RASA1: variants seen among roughly 807,000 people sequenced by gnomAD.
RASA1 encodes ras GTPase-activating protein 1.
Under a neutral mutation model 132.2 loss-of-function variants are expected in RASA1, and 25 were observed. The ratio of observed to expected loss-of-function variants is 0.19; its 90% CI spans 0.14 to 0.26. The LOEUF (loss-of-function observed/expected upper bound fraction) is 0.26, where lower values mean the gene tolerates loss of function less well. Ranked by LOEUF, RASA1 falls within the 10% of genes least tolerant of loss-of-function variation. RASA1 has a pLI of 1.00. For missense variants in RASA1, 964 were observed against 1,299.2 expected (o/e 0.74, Z 3.97); for synonymous variants, 477 against 449.9 (o/e 1.06, Z -0.76).
At chr5:87,269,957 A>G (rs1442426977) in intron 1 of RASA1, among the ~76,000 whole-genome samples, 3 of 152,014 alleles carry the variant, frequency 2.0e-5, no homozygotes, top group African/African-American at 4.8e-5. Context: ...AATTTTAACA[A>G]CCGGCCGGGC....
chr5:87,366,546 T>C (rs937695642), intron 11 of RASA1: 2 of 191,288 alleles, frequency 1.0e-5, no homozygotes, highest in South Asian at 9.6e-5. Context: ...GCAATAAATA[T>C]ACATTTACCA....
chr5:87,341,675 C>A (rs1380722089), intron 6 of RASA1, among the ~76,000 whole-genome samples: 1 of 151,998 alleles, frequency 6.6e-6, no homozygotes, highest in Non-Finnish European at 1.5e-5. Context: ...CATCTTTTAT[C>A]CCCCCAAAAT....
At chr5:87,277,351 T>C (rs1389448008) in intron 1 of RASA1, among the ~76,000 whole-genome samples, 1 of 152,162 alleles carries the variant, frequency 6.6e-6, no homozygotes, top group Non-Finnish European at 1.5e-5. Context: ...TAACCACCAA[T>C]GTAACTGAAT....
At chr5:87,336,430 AT>A (rs1030345629) in intron 4 of RASA1, among the ~76,000 whole-genome samples, 1 of 152,096 alleles carries the variant, frequency 6.6e-6, no homozygotes, top group African/African-American at 2.4e-5. Context: ...GATGATATAA[AT>A]TTGGATTTAT....
At chr5:87,360,252 A>G (rs910942232) in intron 9 of RASA1, among the ~76,000 whole-genome samples, 2 of 150,390 alleles carry the variant, frequency 1.3e-5, no homozygotes, top group Non-Finnish European at 3.0e-5. Context: ...TCAGCCTCCC[A>G]TGTAGCTGGA....
intron 9 of RASA1, among the ~76,000 whole-genome samples, chr5:87,361,947 A>C (rs564585020): frequency 2.0e-5 from 3 of 152,320 alleles, no homozygotes; most frequent in Admixed American, 2.0e-4. Flanking sequence ...GAGTTGAAGC[A>C]TGGGAATGTT....
intron 1 of RASA1, among the ~76,000 whole-genome samples, chr5:87,281,949 C>A (rs910909681): frequency 2.0e-5 from 3 of 152,042 alleles, no homozygotes; most frequent in Non-Finnish European, 4.4e-5. Context: ...GATATTAATC[C>A]CCCATCAGCT....
intron 11 of RASA1, among the ~76,000 whole-genome samples, chr5:87,367,178 A>G (rs1052297659): frequency 5.9e-5 from 9 of 152,246 alleles, no homozygotes; most frequent in Non-Finnish European, 1.2e-4. Context: ...AGCATTAACA[A>G]AGTACATTTC....
intron 1 of RASA1, among the ~76,000 whole-genome samples, chr5:87,272,646 A>AT (rs1179537065): frequency 6.6e-6 from 1 of 151,998 alleles, no homozygotes; most frequent in Non-Finnish European, 1.5e-5. Context: ...TAACTGTAAT[A>AT]TTTTACTAGC....
At chr5:87,379,874 A>T (rs751808919) in intron 19 of RASA1, 24 bp downstream of exon 19, 1 of 1,606,404 alleles carries the variant, frequency 6.2e-7, no homozygotes, top group Non-Finnish European at 8.5e-7. Context: ...TTTTCATTTG[A>T]CAAGAAATTG....
Position 87,268,597 on chromosome 5 carries a change from A to C in RASA1, c.146A>C (p.Tyr49Ser). The change falls in exon 1 of 25, where the codon TAT (tyrosine) becomes TCT (serine). Residue 49 changes from tyrosine to serine, a missense_variant. Coordinates refer to ENST00000274376, the MANE Select transcript of RASA1 (RefSeq NM_002890.3). ...PAALPVAAAP[Y>S]PGLVETGVAG... ...GCCCTGCCTGTGGCAGCCGCCCCCT[A>C]TCCTGGGCTGGTGGAGACCGGAGTG... The C allele has an allele frequency of 1.2e-6, 2 of 1,611,056 alleles. No individual in the cohort carries two copies. Among genetic ancestry groups the C allele is most frequent in the Non-Finnish European group, 1.7e-6 (2 of 1,179,194 alleles).
At chr5:87,338,149 C>T (rs775998993) in intron 5 of RASA1, 58 bp downstream of exon 5, 11 of 1,604,404 alleles carry the variant, frequency 6.9e-6, no homozygotes, top group East Asian at 4.5e-5. Context: ...AAATTTGGAT[C>T]TTGTCCGTAA....
intron 11 of RASA1, among the ~76,000 whole-genome samples, chr5:87,366,866 TTTAAAAAA>T (rs1269251050): frequency 1.3e-5 from 2 of 152,124 alleles, no homozygotes; most frequent in Non-Finnish European, 2.9e-5. Context: ...ACCCCGTCTC[TTTAAAAAA>T]TTAAAAAATT....
At chr5:87,307,522 A>T (rs1251513018) in intron 1 of RASA1, among the ~76,000 whole-genome samples, 1 of 152,174 alleles carries the variant, frequency 6.6e-6, no homozygotes, top group Non-Finnish European at 1.5e-5. Context: ...TGTTAATATT[A>T]TATTTAGCTC....
chr5:87,301,102 G>A (rs1230889422), intron 1 of RASA1, among the ~76,000 whole-genome samples: 1 of 152,190 alleles, frequency 6.6e-6, no homozygotes, highest in African/African-American at 2.4e-5. Flanking sequence ...GGTTAAGGGA[G>A]ATTAAGTCCA....
intron 9 of RASA1, among the ~76,000 whole-genome samples, chr5:87,361,929 C>A (rs981315236): frequency 1.3e-5 from 2 of 151,812 alleles, no homozygotes; most frequent in Non-Finnish European, 2.9e-5. Flanking sequence ...AGGAAATGGC[C>A]ATTGGTAGAG....
chr5:87,387,863 G>A (rs1762172333), intron 23 of RASA1, among the ~76,000 whole-genome samples: 1 of 152,110 alleles, frequency 6.6e-6, no homozygotes, highest in South Asian at 2.1e-4. Context: ...GATATAGTTG[G>A]TCAATCATTG....
chr5:87,335,692 C>G (rs1182698526), intron 4 of RASA1, among the ~76,000 whole-genome samples: 3 of 152,120 alleles, frequency 2.0e-5, no homozygotes, highest in Non-Finnish European at 4.4e-5. Flanking sequence ...TCCCAAAGTG[C>G]TGGGATTGCA....
chr5:87,302,259 C>G (rs1301866157), intron 1 of RASA1, among the ~76,000 whole-genome samples: 1 of 151,780 alleles, frequency 6.6e-6, no homozygotes, highest in Non-Finnish European at 1.5e-5. Flanking sequence ...TGTAATAGCT[C>G]TTGTGGTTTT....
Sources: allele counts gnomAD v4.1 joint callset (sites outside exome capture counted in the v4.1 genomes callset), GRCh38; gene constraint gnomAD v4.1.1; transcripts MANE v1.5; gene names NCBI Gene and HGNC (gene_info 2026-07-23, HGNC 2026-07-21).